KANTR: variants seen among roughly 807,000 people sequenced by gnomAD.
KANTR encodes KDM5C adjacent transcript.
intron 2 of KANTR, among the ~76,000 whole-genome samples, chrX:53,141,655 T>C (rs982060223): frequency 2.9e-5 from 3 of 104,527 alleles, no homozygotes; most frequent in Admixed American, 2.2e-4. Flanking sequence ...CAGTTGCTCC[T>C]TCTCCCACTC....
chrX:53,108,345 G>A (rs1027135243), intron 2 of KANTR, among the ~76,000 whole-genome samples: 3 of 108,703 alleles, frequency 2.8e-5, no homozygotes, highest in Non-Finnish European at 3.8e-5. Flanking sequence ...GGGACTACAG[G>A]TGCATACTAC....
At chrX:53,131,701 C>G (rs1556817054), downstream of KANTR, among the ~76,000 whole-genome samples, 1 of 111,867 alleles carries the variant, frequency 8.9e-6, no homozygotes, top group Non-Finnish European at 1.9e-5. Context: ...GTGCTTTCCC[C>G]CACAAGATCA....
At chrX:53,143,125 G>A (rs1233997185), downstream of KANTR, 2 of 1,128,933 alleles carry the variant, frequency 1.8e-6, no homozygotes, top group Admixed American at 2.2e-5. Flanking sequence ...GCCCAAGAAG[G>A]AAGGCTGGAA....
At chrX:53,146,281 T>C (rs782493884), downstream of KANTR, among the ~76,000 whole-genome samples, 74 of 111,257 alleles carry the variant, frequency 6.7e-4, no homozygotes, top group Non-Finnish European at 4.9e-4. Context: ...GAATAACCAA[T>C]GCAGAGAAGT....
At chrX:53,135,224 T>A (rs933556267) in intron 2 of KANTR, among the ~76,000 whole-genome samples, 1 of 112,168 alleles carries the variant, frequency 8.9e-6, no homozygotes, top group Non-Finnish European at 1.9e-5. Context: ...TGTTGAACCA[T>A]GTCTTGGAAA....
intron 2 of KANTR, among the ~76,000 whole-genome samples, chrX:53,117,955 A>G (rs147567309): frequency 2.3e-4 from 26 of 111,234 alleles, no homozygotes; most frequent in African/African-American, 8.5e-4. Context: ...TTTTTCATTC[A>G]ATATTATGTT....
chrX:53,139,559 C>T (rs1602129029), intron 2 of KANTR, among the ~76,000 whole-genome samples: 1 of 112,146 alleles, frequency 8.9e-6, no homozygotes, highest in East Asian at 2.8e-4. Context: ...TGATTTATAC[C>T]TGTAATCCCA....
chrX:53,099,129 G>A (rs1268227314), intron 1 of KANTR, among the ~76,000 whole-genome samples: 12 of 111,600 alleles, frequency 1.1e-4, no homozygotes, highest in African/African-American at 3.9e-4. Flanking sequence ...CCAGCACTTT[G>A]GGAAGCCAAG....
chrX:53,131,746 T>A (rs1933363197), downstream of KANTR, among the ~76,000 whole-genome samples: 1 of 112,103 alleles, frequency 8.9e-6, no homozygotes, highest in Non-Finnish European at 1.9e-5. Context: ...TCACCACTTC[T>A]ATTCAGCATT....
intron 2 of KANTR, among the ~76,000 whole-genome samples, chrX:53,141,082 A>T (rs986323002): frequency 8.9e-6 from 1 of 112,795 alleles, no homozygotes; most frequent in Non-Finnish European, 1.9e-5. Context: ...AATCACTCGA[A>T]CCCAGGAGCC....
chrX:53,119,044 C>CTT (rs59837494), intron 2 of KANTR, among the ~76,000 whole-genome samples: 6 of 70,478 alleles, frequency 8.5e-5, no homozygotes, highest in African/African-American at 2.8e-4. Context: ...ATTTTTCTTT[C>CTT]TTTTTTTTTT....
At chrX:53,143,727 G>A (rs1273989979), downstream of KANTR, 5 of 629,459 alleles carry the variant, frequency 7.9e-6, no homozygotes, top group African/African-American at 4.4e-5. Context: ...TCAGGATGTC[G>A]TGCTTGCTCT....
At chrX:53,101,394 C>T (rs781825419) in intron 2 of KANTR, among the ~76,000 whole-genome samples, 3 of 109,162 alleles carry the variant, frequency 2.7e-5, no homozygotes, top group South Asian at 3.9e-4. Context: ...CTGTGTGAGC[C>T]GAGGAGTTTG....
chrX:53,121,636 T>C (rs781823620), intron 2 of KANTR, among the ~76,000 whole-genome samples: 6 of 110,520 alleles, frequency 5.4e-5, no homozygotes, highest in Middle Eastern at 4.6e-3. Flanking sequence ...GGTTTTTTTT[T>C]CCCAGAAGTC....
intron 1 of KANTR, among the ~76,000 whole-genome samples, chrX:53,095,089 T>G: frequency 8.9e-6 from 1 of 112,549 alleles, no homozygotes. Flanking sequence ...GAGCCTGGCT[T>G]TGGGTTGCTT....
intron 2 of KANTR, among the ~76,000 whole-genome samples, chrX:53,122,699 A>C (rs1816366233): frequency 8.9e-6 from 1 of 111,866 alleles, no homozygotes; most frequent in South Asian, 3.7e-4. Context: ...TATGATAATT[A>C]TATGTTTTTT....
At chrX:53,108,257 A>G (rs1932979493) in intron 2 of KANTR, among the ~76,000 whole-genome samples, 1 of 106,371 alleles carries the variant, frequency 9.4e-6, no homozygotes. Context: ...GCTGGAGTGC[A>G]GTGGCGTGAT....
At chrX:53,095,181 C>T (rs1337149114) in intron 1 of KANTR, among the ~76,000 whole-genome samples, 1 of 112,162 alleles carries the variant, frequency 8.9e-6, no homozygotes, top group Non-Finnish European at 1.9e-5. Context: ...TTGGGAGCAA[C>T]TTAGATTAAA....
chrX:53,094,360 GC>G (rs1932831791), intron 1 of KANTR, 76 bp downstream of exon 1: 1 of 112,094 alleles, frequency 8.9e-6, no homozygotes, highest in African/African-American at 3.2e-5. Context: ...GAGGGGTGGG[GC>G]CTGCGCGAGC....
Sources: gnomAD v4.1 joint callset for allele counts (sites outside exome capture counted in the v4.1 genomes callset) on GRCh38, gnomAD v4.1.1 for gene constraint, MANE v1.5 for transcripts, NCBI Gene and HGNC (gene_info 2026-07-23, HGNC 2026-07-21) for gene names.